KASH5: variants seen among roughly 807,000 people sequenced by gnomAD.
KASH5 encodes KASH domain containing 5, also known as protein KASH5.
Under a neutral mutation model 84.2 loss-of-function variants are expected in KASH5, and 72 were observed. The ratio of observed to expected loss-of-function variants is 0.85; its 90% confidence interval spans 0.71 to 1.04. The LOEUF (loss-of-function observed/expected upper bound fraction) is 1.04, where lower values mean the gene tolerates loss of function less well. Ranked by LOEUF, KASH5 falls within the 50% of genes least tolerant of loss-of-function variation. The pLI, the probability that KASH5 is intolerant of heterozygous loss-of-function variation, is 0.00. For missense variants in KASH5, 650 were observed against 701.0 expected, an observed-to-expected ratio of 0.93 and a Z score of 0.82; for synonymous variants, 260 against 279.1, an observed-to-expected ratio of 0.93 and a Z score of 0.68.
intron 12 of KASH5, among the ~76,000 whole-genome samples, 160 bp downstream of exon 12, chr19:49,407,831 GT>G (rs1380259820): frequency 2.0e-5 from 3 of 152,064 alleles, no homozygotes; most frequent in Non-Finnish European, 4.4e-5. Flanking sequence ...CTCCCCCTCT[GT>G]TTCTGTATCT....
At chr19:49,396,685 A>T (rs1305001968) in intron 5 of KASH5, among the ~76,000 whole-genome samples, 2 of 152,122 alleles carry the variant, frequency 1.3e-5, no homozygotes, top group African/African-American at 2.4e-5. Flanking sequence ...CTGATTATCT[A>T]GTTAGCCACT....
At chr19:49,400,939 GGT>G (rs759725722) in intron 9 of KASH5, among the ~76,000 whole-genome samples, 1 of 152,178 alleles carries the variant, frequency 6.6e-6, no homozygotes, top group Non-Finnish European at 1.5e-5. Flanking sequence ...CCGACCTCAA[GGT>G]GGTATCTAAG....
In KASH5 at chr19:49,415,251, A is replaced by G. The variant is rs993891354; in HGVS notation, c.1374+255A>G. The G allele has an allele frequency of 2.3e-5, 13 of 566,878 alleles. No homozygotes were observed. The African/African-American group carries it at 2.5e-4, about 11-fold the overall frequency. 35.1% of individuals were successfully genotyped at this position (566,878 alleles called of 1,614,324 possible). A position where few individuals can be genotyped will look rare whatever the true frequency, so the allele number is the denominator to read the frequency against. On this transcript the variant is annotated intron_variant, in intron 17 of 19. Coordinates refer to ENST00000447857, the MANE Select transcript of KASH5 (RefSeq NM_144688.5). ...CTCCCAGCCACACACACAGGGCTGC[A>G]GCCACCACACCGCAGGCCTCATAGA...
chr19:49,410,182 G>C (rs61143978), intron 15 of KASH5, among the ~76,000 whole-genome samples: 1 of 152,128 alleles, frequency 6.6e-6, no homozygotes, highest in African/African-American at 2.4e-5. Flanking sequence ...ATTTAAAATC[G>C]TACTACTGTA....
At chr19:49,400,377 T>G (rs997352284) in intron 9 of KASH5, among the ~76,000 whole-genome samples, 11 of 149,322 alleles carry the variant, frequency 7.4e-5, no homozygotes, top group Admixed American at 6.0e-4. Context: ...TCTTTTTTTT[T>G]TTTTTGAGAC....
At chr19:49,400,963 T>A (rs1974344433) in intron 9 of KASH5, among the ~76,000 whole-genome samples, 1 of 152,236 alleles carries the variant, frequency 6.6e-6, no homozygotes, top group Admixed American at 6.5e-5. Flanking sequence ...TGCAGGAGAC[T>A]GATGCAGGAG....
At chr19:49,403,246 C>T (rs1197779490) in intron 9 of KASH5, among the ~76,000 whole-genome samples, 1 of 152,096 alleles carries the variant, frequency 6.6e-6, no homozygotes, top group East Asian at 1.9e-4. Flanking sequence ...GGCGGCGGGC[C>T]GCTATAGTCC....
intron 9 of KASH5, 146 bp from the exon 10 acceptor site, chr19:49,406,740 G>T: frequency 1.4e-6 from 1 of 708,438 alleles, no homozygotes; most frequent in East Asian, 2.8e-5. Context: ...CCACTGGAAT[G>T]GTTGGAGGAA....
At chr19:49,405,396 G>T (rs1476190827) in intron 9 of KASH5, among the ~76,000 whole-genome samples, 3 of 150,546 alleles carry the variant, frequency 2.0e-5, no homozygotes, top group Non-Finnish European at 4.4e-5. Flanking sequence ...GGCGGAGGTT[G>T]CAGTGAGCCG....
chr19:49,409,287 G>A lies in KASH5; in HGVS notation c.1146+4G>A. The A allele has an allele frequency of 6.2e-7, 1 of 1,613,312 alleles. No individual in the cohort carries two copies. Among genetic ancestry groups the A allele is most frequent in the Non-Finnish European group, 8.5e-7 (1 of 1,179,730 alleles). ...GGAGATCGAGGCCATTCGACAGGTG[G>A]GCCTAACACCCCTGGAATAAGCTGC... On this transcript the variant is annotated splice_donor_region_variant and intron_variant, in intron 14 of 19. Transcript: ENST00000447857.
intron 6 of KASH5, 113 bp downstream of exon 6, chr19:49,397,830 C>A: frequency 6.8e-7 from 1 of 1,464,226 alleles, no homozygotes; most frequent in Non-Finnish European, 9.4e-7. Flanking sequence ...AGGGACGGGG[C>A]TTTGCTGAAA....
chr19:49,417,043 C>T lies in KASH5; in HGVS notation c.1403C>T (p.Pro468Leu), dbSNP rs1292105754. The change falls in exon 18 of 20, where the codon CCT becomes CTT. Residue 468 changes from proline to leucine, a missense_variant. Coordinates refer to ENST00000447857, the MANE Select transcript of KASH5 (RefSeq NM_144688.5). The surrounding 1 kb of genome is among the most constrained non-coding windows in gnomAD (Gnocchi z 5.2). ...TADLPVPLGAPRPGDIPENPP... is the reference protein window; with the variant it reads ...TADLPVPLGALRPGDIPENPP... ...GATCTCCCTGTCCCTCTAGGAGCCC[C>T]TCGCCCTGGAGACATCCCAGAAAAC... The T allele has an allele frequency of 6.3e-7, 1 of 1,594,600 alleles. No individual in the cohort carries two copies. Among genetic ancestry groups the T allele is most frequent in the Non-Finnish European group, 8.5e-7 (1 of 1,171,126 alleles).
chr19:49,407,344 C>A, intron 11 of KASH5, 48 bp downstream of exon 11: 1 of 1,578,702 alleles, frequency 6.3e-7, no homozygotes, highest in Non-Finnish European at 8.7e-7. Flanking sequence ...TGTGCACCAG[C>A]CACTTCCTGC....
chr19:49,417,474 C>T lies in KASH5; in HGVS notation c.1653C>T (p.His551=). 6.4e-7 allele frequency: 1 copy of T among 1,552,528 alleles called. No homozygotes were observed. The highest frequency in any genetic ancestry group is 8.7e-7 in the Non-Finnish European group (1 of 1,148,252). The change falls in exon 20 of 20, where the codon CAC becomes CAT. Residue 551 remains histidine (H), a synonymous_variant. Transcript: ENST00000447857. The surrounding 1 kb of genome is among the most constrained non-coding windows in gnomAD (Gnocchi z 5.2). ...LGPSPPPTWP[H]LQLCYLQPPP... ...CGTCCCCACCTCCCACCTGGCCCCA[C>T]CTCCAGCTCTGCTACCTCCAGCCCC...
At chr19:49,388,685 T>C (rs1200218383) in intron 1 of KASH5, among the ~76,000 whole-genome samples, 1 of 136,646 alleles carries the variant, frequency 7.3e-6, no homozygotes, top group Non-Finnish European at 1.5e-5. Flanking sequence ...AGAGTGAGAC[T>C]CCGTCTCAAA....
In KASH5 at chr19:49,395,195, A is replaced by C. The variant is rs762573438; in HGVS notation, c.238A>C (p.Ser80Arg). Reference protein sequence around the residue: ...QDARLQTLANSLDPNGEGPKA... With the variant: ...QDARLQTLANRLDPNGEGPKA... ...TGCACGCCTCCAAACATTGGCCAAC[A>C]GCCTGGACCCCAATGGGGAGGGCCC... The change falls in exon 4 of 20, where the codon AGC becomes CGC. Residue 80 changes from serine (S) to arginine (R), a missense_variant. By Grantham distance (110) the Ser-to-Arg change is moderately radical (BLOSUM62 -1). Coordinates refer to ENST00000447857, the MANE Select transcript of KASH5 (RefSeq NM_144688.5). The surrounding 1 kb of genome is among the most constrained non-coding windows in gnomAD (Gnocchi z 4.4). 1 of 1,612,822 alleles carries C rather than the reference A, an allele frequency of 6.2e-7. No homozygotes were observed. The highest frequency in any genetic ancestry group is 8.5e-7 in the Non-Finnish European group (1 of 1,179,488).
chr19:49,405,831 C>A (rs1192506728), intron 9 of KASH5, among the ~76,000 whole-genome samples: 1 of 151,884 alleles, frequency 6.6e-6, no homozygotes, highest in African/African-American at 2.4e-5. Flanking sequence ...TGGCACATGC[C>A]TGTAATCCCA....
At position 49,399,734 on chromosome 19, in the gene KASH5, C is replaced by T; in HGVS notation, c.798+227C>T. 1 of 1,287,378 alleles carries T rather than the reference C, an allele frequency of 7.8e-7. No homozygotes were observed. Among genetic ancestry groups the T allele is most frequent in the South Asian group, 1.6e-5 (1 of 61,522 alleles). 79.7% of individuals were successfully genotyped at this position (1,287,378 alleles called of 1,614,324 possible). A position where few individuals can be genotyped will look rare whatever the true frequency, so the allele number is the denominator to read the frequency against. The stretch of plus-strand genomic sequence containing the variant: ...CATGGCTTCAGGCTGAGGCCACCTA[C>T]ATAAGAGTGGACCAGTGCCTCCCTT... On this transcript the variant is annotated intron_variant, in intron 9 of 19. Transcript: ENST00000447857. This position sits in a 1 kb window ranked among gnomAD's most constrained non-coding sequence, Gnocchi z 4.4.
chr19:49,405,464 AAAAAAAAAAAG>A (rs1246452545), intron 9 of KASH5, among the ~76,000 whole-genome samples: 4 of 99,490 alleles, frequency 4.0e-5, no homozygotes, highest in Non-Finnish European at 1.0e-4. Flanking sequence ...CTCAAAAAAA[AAAAAAAAAAAG>A]AAAGAAAAAG....
Sources: gnomAD v4.1 joint callset for allele counts (sites outside exome capture counted in the v4.1 genomes callset) on GRCh38, gnomAD v4.1.1 for gene constraint, Gnocchi (gnomAD v3.1) non-coding constraint, MANE v1.5 for transcripts, NCBI Gene and HGNC (gene_info 2026-07-23, HGNC 2026-07-21) for gene names.